PLCH1: variants seen among roughly 807,000 people sequenced by gnomAD.
The protein encoded by PLCH1 is phospholipase C eta 1.
PLCH1 carries 60 observed loss-of-function variants against 126.7 expected under a neutral mutation model. The observed-to-expected ratio is 0.47, with a 90% confidence interval of 0.38 to 0.59. The LOEUF (loss-of-function observed/expected upper bound fraction) is 0.59, where lower values mean the gene tolerates loss of function less well. Ranked by LOEUF, PLCH1 falls within the 20% of genes least tolerant of loss-of-function variation. The pLI is 0.00. For missense variants in PLCH1, 1,723 were observed against 2,040.0 expected (o/e 0.84, Z 2.99); for synonymous variants, 719 against 734.9 (o/e 0.98, Z 0.35).
intron 1 of PLCH1, among the ~76,000 whole-genome samples, chr3:155,738,556 G>C (rs1489013782): frequency 6.6e-6 from 1 of 152,054 alleles, no homozygotes; most frequent in Non-Finnish European, 1.5e-5. Flanking sequence ...GGCCGAGGCA[G>C]GCGGGTCACG....
At chr3:155,608,036 C>T (rs888316060) in intron 2 of PLCH1, among the ~76,000 whole-genome samples, 15 of 152,010 alleles carry the variant, frequency 9.9e-5, no homozygotes, top group South Asian at 4.2e-4. Flanking sequence ...TTCAGGTTCC[C>T]CTGGGGAACC....
intron 2 of PLCH1, among the ~76,000 whole-genome samples, chr3:155,682,813 T>C (rs1391489266): frequency 1.3e-5 from 2 of 152,148 alleles, no homozygotes; most frequent in Non-Finnish European, 2.9e-5. Context: ...AACACTTAAA[T>C]TGCAAACCCA....
chr3:155,631,178 A>G (rs1737979314), intron 2 of PLCH1, among the ~76,000 whole-genome samples: 1 of 152,178 alleles, frequency 6.6e-6, no homozygotes, highest in Non-Finnish European at 1.5e-5. Flanking sequence ...TATTTTGGTA[A>G]TTTCACAGGA....
At chr3:155,733,200 T>C (rs939696888) in intron 1 of PLCH1, among the ~76,000 whole-genome samples, 1 of 151,646 alleles carries the variant, frequency 6.6e-6, no homozygotes, top group Admixed American at 6.6e-5. Context: ...TTCACAGAAA[T>C]AGAAAAAAAG....
At chr3:155,554,016 C>T (rs529083270) in intron 9 of PLCH1, 60 bp downstream of exon 9, 210 of 1,554,958 alleles carry the variant, frequency 1.4e-4, no homozygotes, top group Non-Finnish European at 1.8e-4. Flanking sequence ...AGCTACGTTA[C>T]ATCAGGCAAT....
intron 4 of PLCH1, among the ~76,000 whole-genome samples, chr3:155,587,817 A>AT (rs1479005120): frequency 6.6e-6 from 1 of 152,212 alleles, no homozygotes; most frequent in East Asian, 1.9e-4. Context: ...TTAGCAAAGG[A>AT]TTTTTTCAAA....
At chr3:155,638,431 A>G (rs143813758) in intron 2 of PLCH1, among the ~76,000 whole-genome samples, 56 of 152,348 alleles carry the variant, frequency 3.7e-4, no homozygotes, top group Non-Finnish European at 1.8e-4. Flanking sequence ...ATAAGAGAGA[A>G]TCGAAATTTG....
At chr3:155,612,879 G>A (rs958171631) in intron 2 of PLCH1, among the ~76,000 whole-genome samples, 1 of 137,368 alleles carries the variant, frequency 7.3e-6, no homozygotes, top group Non-Finnish European at 1.5e-5. Flanking sequence ...TTGCACTCTG[G>A]CCTGGGCAAC....
chr3:155,648,486 T>G (rs1050785371), intron 2 of PLCH1, among the ~76,000 whole-genome samples: 1 of 152,212 alleles, frequency 6.6e-6, no homozygotes, highest in African/African-American at 2.4e-5. Context: ...CTGGTGAACA[T>G]GCAACTTCCA....
chr3:155,717,755 C>T (rs924426051), intron 1 of PLCH1, among the ~76,000 whole-genome samples: 6 of 152,180 alleles, frequency 3.9e-5, no homozygotes, highest in African/African-American at 1.2e-4. Flanking sequence ...AGAGGGGCTG[C>T]GGTCTTAGAT....
At chr3:155,701,882 T>C (rs1746302142) in intron 2 of PLCH1, among the ~76,000 whole-genome samples, 1 of 152,172 alleles carries the variant, frequency 6.6e-6, no homozygotes, top group Admixed American at 6.5e-5. Flanking sequence ...AATTACAATA[T>C]ATCCTGAGGC....
At chr3:155,609,597 T>C (rs1577131519) in intron 2 of PLCH1, among the ~76,000 whole-genome samples, 6 of 152,266 alleles carry the variant, frequency 3.9e-5, no homozygotes, top group Admixed American at 3.9e-4. Flanking sequence ...ATTATTAAGC[T>C]ACTCAAGAAG....
At chr3:155,656,652 G>C (rs1377560391) in intron 2 of PLCH1, among the ~76,000 whole-genome samples, 1 of 152,138 alleles carries the variant, frequency 6.6e-6, no homozygotes, top group East Asian at 1.9e-4. Context: ...TTCCTTGTGA[G>C]TATGTGTGTG....
intron 10 of PLCH1, among the ~76,000 whole-genome samples, chr3:155,549,291 T>C (rs931080790): frequency 6.6e-6 from 1 of 152,256 alleles, no homozygotes; most frequent in Non-Finnish European, 1.5e-5. Flanking sequence ...GGCATTATTA[T>C]GTCTGTGCCT....
At chr3:155,733,706 T>C (rs895701065) in intron 1 of PLCH1, among the ~76,000 whole-genome samples, 1 of 151,574 alleles carries the variant, frequency 6.6e-6, no homozygotes, top group Non-Finnish European at 1.5e-5. Flanking sequence ...AAAGCAAAAA[T>C]AGACAAATGA....
At chr3:155,661,048 A>G (rs1156948794) in intron 2 of PLCH1, among the ~76,000 whole-genome samples, 1 of 152,262 alleles carries the variant, frequency 6.6e-6, no homozygotes. Context: ...CATTGCCCAT[A>G]GCAGAGGTGG....
intron 2 of PLCH1, among the ~76,000 whole-genome samples, chr3:155,649,152 G>A (rs188484896): frequency 5.3e-5 from 8 of 152,284 alleles, no homozygotes; most frequent in Admixed American, 1.3e-4. Context: ...CACACAAGGA[G>A]TGACTGAGAC....
intron 2 of PLCH1, among the ~76,000 whole-genome samples, chr3:155,692,993 A>G (rs1044559146): frequency 6.6e-6 from 1 of 151,928 alleles, no homozygotes; most frequent in African/African-American, 2.4e-5. Flanking sequence ...CGTGTTAACC[A>G]GGATGGTCTC....
At chr3:155,567,412 C>T (rs1728667485) in intron 7 of PLCH1, among the ~76,000 whole-genome samples, 1 of 152,096 alleles carries the variant, frequency 6.6e-6, no homozygotes, top group Admixed American at 6.6e-5. Context: ...ACTTTAATTA[C>T]CTACCACCAC....
Sources: allele counts gnomAD v4.1 joint callset (sites outside exome capture counted in the v4.1 genomes callset), GRCh38; gene constraint gnomAD v4.1.1; transcripts MANE v1.5; gene names NCBI Gene and HGNC (gene_info 2026-07-23, HGNC 2026-07-21).